The following DENND2B variants were observed in gnomAD, a reference collection of about 807,000 sequenced individuals.
DENND2B encodes DENN domain-containing protein 2B.
DENND2B carries 32 observed loss-of-function variants against 116.0 expected under a neutral mutation model. The ratio of observed to expected loss-of-function variants is 0.28; its 90% CI spans 0.21 to 0.37. DENND2B has a LOEUF of 0.37. Ranked by LOEUF, DENND2B falls within the 10% of genes least tolerant of loss-of-function variation. The probability of loss-of-function intolerance (pLI) is 1.00; values close to 1 mark genes in which losing one functional copy is unlikely to be tolerated. For synonymous variants in DENND2B, 588 were observed against 583.9 expected, an observed-to-expected ratio of 1.01 and a Z score of -0.10; for missense variants, 1,276 against 1,477.7, an observed-to-expected ratio of 0.86 and a Z score of 2.24.
In DENND2B at chr11:8,751,658, G is replaced by A. The variant is rs142074810; in HGVS notation, c.-25-933C>T. Among the ~76,000 whole-genome samples the A allele has an allele frequency of 1.3e-3, 203 of 152,214 alleles. 1 individual carries two copies. The highest frequency in any genetic ancestry group is 1.0e-2 in the South Asian group (48 of 4,806). On this transcript the variant is annotated intron_variant, in intron 1 of 19. Transcript: ENST00000313726. ...CTTTAAGAACTGTAACACTCACTGC[G>A]AGGGTCCACGGCTTCATTCTTGAAG...
At chr11:8,742,530 T>C (rs542680062) in intron 2 of DENND2B, among the ~76,000 whole-genome samples, 31 of 152,190 alleles carry the variant, frequency 2.0e-4, no homozygotes, top group Non-Finnish European at 4.3e-4. Context: ...TGTGGTAACA[T>C]AGATAATAGG....
chr11:8,711,908 G>A, intron 9 of DENND2B: 1 of 445,272 alleles, frequency 2.2e-6, no homozygotes, highest in Non-Finnish European at 4.5e-6. Context: ...ATGTACCAGA[G>A]CAAGCTGGGC....
At chr11:8,776,663 C>T (rs1431605667) in intron 1 of DENND2B, 1 of 190,384 alleles carries the variant, frequency 5.3e-6, no homozygotes, top group Non-Finnish European at 1.1e-5. Context: ...GCCACCACGG[C>T]CTAGTGGCTT....
intron 1 of DENND2B, among the ~76,000 whole-genome samples, chr11:8,767,590 C>T (rs566938761): frequency 2.0e-5 from 3 of 152,208 alleles, no homozygotes; most frequent in Admixed American, 6.5e-5. Context: ...TACTAATATT[C>T]GTCAAAAAAA....
chr11:8,809,533 A>T (rs571010944), intron 1 of DENND2B: 41 of 152,284 alleles, frequency 2.7e-4, no homozygotes, highest in African/African-American at 9.4e-4. Context: ...CATCCTCCTC[A>T]TAATATTACT....
chr11:8,869,294 G>A (rs1566071099), intron 2 of DENND2B, among the ~76,000 whole-genome samples: 1 of 152,202 alleles, frequency 6.6e-6, no homozygotes, highest in South Asian at 2.1e-4. Flanking sequence ...GGCCCAATTA[G>A]GGGATAACAT....
At chr11:8,804,848 G>C (rs1349033626) in intron 1 of DENND2B, among the ~76,000 whole-genome samples, 1 of 152,060 alleles carries the variant, frequency 6.6e-6, no homozygotes, top group East Asian at 1.9e-4. Context: ...CCAACCAGCA[G>C]CTACTTCTAA....
At chr11:8,772,787 T>C (rs1305430340) in intron 1 of DENND2B, among the ~76,000 whole-genome samples, 1 of 152,106 alleles carries the variant, frequency 6.6e-6, no homozygotes, top group African/African-American at 2.4e-5. Context: ...CCCTCCAAAC[T>C]GCCTGGGGGT....
upstream of DENND2B, chr11:8,811,096 C>T: frequency 2.6e-6 from 1 of 392,052 alleles, no homozygotes; most frequent in Non-Finnish European, 4.5e-6. Context: ...TTGAAGGGGA[C>T]CCAGCTTCCT....
At chr11:8,880,405 A>T (rs1048060203) in intron 2 of DENND2B, among the ~76,000 whole-genome samples, 9 of 144,524 alleles carry the variant, frequency 6.2e-5, no homozygotes, top group Admixed American at 4.2e-4. Context: ...ACCAAATGTG[A>T]TTTATTATAT....
chr11:8,829,574 T>C (rs2062123327), intron 4 of DENND2B, among the ~76,000 whole-genome samples: 1 of 152,164 alleles, frequency 6.6e-6, no homozygotes, highest in Non-Finnish European at 1.5e-5. Context: ...AGCTGAACCA[T>C]TGATATGGTC....
At chr11:8,823,315 G>A (rs1594112648) in intron 4 of DENND2B, among the ~76,000 whole-genome samples, 1 of 152,144 alleles carries the variant, frequency 6.6e-6, no homozygotes, top group Non-Finnish European at 1.5e-5. Context: ...AGGACAGCTG[G>A]GTCCAAACAG....
rs534330067 is a variant in DENND2B at position 8,889,550 on chromosome 11, T to C, written c.-255-8441A>G. On this transcript the variant is annotated intron_variant, in intron 1 of 22. Coordinates refer to the DENND2B transcript ENST00000534127. ...AATCAGGTCACTCCCACCCTAATAC[T>C]GCACTTTTCCAATGGTCTTAGCAAA... 1.4e-4 allele frequency among the ~76,000 whole-genome samples: 22 copies of C among 152,326 alleles called. No individual in the cohort carries two copies. In the East Asian group the frequency reaches 3.9e-3, roughly 27 times the overall value.
intron 4 of DENND2B, 91 bp downstream of exon 4, chr11:8,725,982 A>T: frequency 6.3e-7 from 1 of 1,582,640 alleles, no homozygotes; most frequent in East Asian, 2.2e-5. Context: ...GCCTGCCCAC[A>T]GTGAAGGAGG....
chr11:8,713,928 T>A, intron 8 of DENND2B, 70 bp downstream of exon 8: 3 of 1,543,342 alleles, frequency 1.9e-6, no homozygotes, highest in Non-Finnish European at 2.7e-6. Flanking sequence ...CACACATGCA[T>A]CGGAAGGGAA....
At chr11:8,760,736 T>A (rs140082175) in intron 1 of DENND2B, among the ~76,000 whole-genome samples, 9 of 152,302 alleles carry the variant, frequency 5.9e-5, no homozygotes, top group Non-Finnish European at 1.2e-4. Context: ...ACATTGTAAA[T>A]CTTAGATCTT....
chr11:8,831,552 C>T (rs2062207817), intron 4 of DENND2B: 1 of 152,272 alleles, frequency 6.6e-6, no homozygotes, highest in African/African-American at 2.4e-5. Flanking sequence ...GGCAATAAGC[C>T]TACCTCTCAG....
At chr11:8,841,862 A>T (rs752169484) in intron 3 of DENND2B, among the ~76,000 whole-genome samples, 20 of 152,096 alleles carry the variant, frequency 1.3e-4, no homozygotes, top group African/African-American at 4.8e-4. Context: ...TATTCTAACC[A>T]TCATTCTTCC....
upstream of DENND2B, among the ~76,000 whole-genome samples, chr11:8,874,251 G>T (rs2063820626): frequency 6.6e-6 from 1 of 152,200 alleles, no homozygotes; most frequent in Non-Finnish European, 1.5e-5. Context: ...TTTGTGCAGA[G>T]AAGTACAATA....
Sources: allele counts gnomAD v4.1 joint callset (sites outside exome capture counted in the v4.1 genomes callset), GRCh38; gene constraint gnomAD v4.1.1; transcripts MANE v1.5; gene names NCBI Gene and HGNC (gene_info 2026-07-23, HGNC 2026-07-21).